Variants in UBAC2 observed in about 807,000 individuals in gnomAD.
UBAC2 encodes the protein UBA domain containing 2, also known as ubiquitin-associated domain-containing protein 2.
Under a neutral mutation model 44.0 loss-of-function variants are expected in UBAC2, and 26 were observed. That is an observed-to-expected ratio of 0.59 (90% CI 0.43 to 0.82). The LOEUF is 0.82. Among genes scored for constraint, UBAC2 ranks in the 40% least tolerant of loss-of-function variants. The pLI, the probability that UBAC2 is intolerant of heterozygous loss-of-function variation, is 0.00. For synonymous variants in UBAC2, 155 were observed against 154.3 expected, an observed-to-expected ratio of 1.00 and a Z score of -0.04; for missense variants, 329 against 419.4, an observed-to-expected ratio of 0.78 and a Z score of 1.88.
chr13:99,201,301 C>T (rs1430602129), intron 1 of UBAC2: 1 of 1,469,756 alleles, frequency 6.8e-7, no homozygotes, highest in Non-Finnish European at 9.0e-7. Context: ...AGGGGCCGTC[C>T]CCCTTACCAT....
At chr13:99,276,870 T>C (rs2043890157) in intron 4 of UBAC2, among the ~76,000 whole-genome samples, 1 of 152,198 alleles carries the variant, frequency 6.6e-6, no homozygotes, top group East Asian at 1.9e-4. Flanking sequence ...AAATACATTT[T>C]TGTAGAATAC....
intron 1 of UBAC2, among the ~76,000 whole-genome samples, chr13:99,213,147 A>G (rs1029732350): frequency 1.1e-4 from 17 of 152,162 alleles, no homozygotes; most frequent in African/African-American, 3.6e-4. Flanking sequence ...TGGCATTCAA[A>G]TACACATTTG....
chr13:99,312,617 C>G (rs953945402), intron 4 of UBAC2, among the ~76,000 whole-genome samples: 1 of 152,180 alleles, frequency 6.6e-6, no homozygotes, highest in African/African-American at 2.4e-5. Flanking sequence ...ACTGACATAG[C>G]TTGGGGGCCA....
chr13:99,208,332 CTGTTTGCT>C (rs2042899139), intron 1 of UBAC2, among the ~76,000 whole-genome samples: 1 of 152,116 alleles, frequency 6.6e-6, no homozygotes, highest in Non-Finnish European at 1.5e-5. Context: ...AGTTGGGGAG[CTGTTTGCT>C]TTTATGAAAA....
intron 4 of UBAC2, among the ~76,000 whole-genome samples, chr13:99,285,326 T>C (rs1172630535): frequency 6.6e-6 from 1 of 151,974 alleles, no homozygotes; most frequent in African/African-American, 2.4e-5. Flanking sequence ...AGTATTTTTG[T>C]ACTTTATTAG....
At chr13:99,254,101 GA>G (rs1166262396) in intron 4 of UBAC2, among the ~76,000 whole-genome samples, 1 of 151,766 alleles carries the variant, frequency 6.6e-6, no homozygotes, top group Non-Finnish European at 1.5e-5. Flanking sequence ...TATGGCCTGG[GA>G]AAAAAAATCA....
At chr13:99,343,540 C>T (rs1265821501) in intron 7 of UBAC2, among the ~76,000 whole-genome samples, 1 of 152,248 alleles carries the variant, frequency 6.6e-6, no homozygotes, top group Non-Finnish European at 1.5e-5. Context: ...GACTCCTCCA[C>T]TTTCATAGGA....
intron 8 of UBAC2, among the ~76,000 whole-genome samples, chr13:99,384,514 A>G (rs1322885719): frequency 1.3e-5 from 2 of 152,336 alleles, no homozygotes; most frequent in African/African-American, 2.4e-5. Flanking sequence ...GTCAAAAACA[A>G]TGCATGCTTG....
At chr13:99,376,678 G>A (rs1001989577) in intron 8 of UBAC2, among the ~76,000 whole-genome samples, 21 of 152,216 alleles carry the variant, frequency 1.4e-4, no homozygotes, top group African/African-American at 4.3e-4. Flanking sequence ...AAAGCATGCT[G>A]GAGGCGAACC....
At position 99,232,399 on chromosome 13, in the gene UBAC2, G is replaced by GATATATATATATATATATAT. The variant is rs1555321112; in HGVS notation, c.32-6023_32-6022insTATATATATATATATATATA. Among the ~76,000 whole-genome samples the GATATATATATATATATATAT allele has an allele frequency of 2.8e-3, 313 of 109,894 alleles. 17 individuals are homozygous for GATATATATATATATATATAT. Among genetic ancestry groups the GATATATATATATATATATAT allele is most frequent in the Non-Finnish European group, 4.1e-3 (194 of 47,222 alleles). The allele number at this position is 109,894 out of a possible 152,430, so 72.1% of individuals were successfully genotyped here. On this transcript the variant is annotated intron_variant, in intron 1 of 8. Coordinates refer to ENST00000403766, the MANE Select transcript of UBAC2 (RefSeq NM_001144072.2). ...AGACCCTGTCCATCCTTAGTTGAGA[G>GATATATATATATATATATAT]ATATAGATATATATATATATATTCA...
At chr13:99,380,163 A>G (rs1326860219) in intron 8 of UBAC2, among the ~76,000 whole-genome samples, 1 of 152,212 alleles carries the variant, frequency 6.6e-6, no homozygotes, top group Non-Finnish European at 1.5e-5. Flanking sequence ...TTGTACTGCC[A>G]TGTTGGTACT....
intron 2 of UBAC2, among the ~76,000 whole-genome samples, chr13:99,242,810 C>A (rs12561406): frequency 1.7e-4 from 2 of 11,764 alleles, no homozygotes; most frequent in South Asian, 5.3e-3. Context: ...GGCTGCCGGG[C>A]GGAGGGGCTC....
chr13:99,263,494 G>A lies in UBAC2; in HGVS notation c.389+18870G>A, dbSNP rs149299264. Among the ~76,000 whole-genome samples, 368 of 152,278 alleles carry A rather than the reference G, an allele frequency of 2.4e-3. 4 individuals carry two copies. The highest frequency in any genetic ancestry group is 0.011 in the South Asian group (52 of 4,820). ...CCAGAATGCCTACGATGAAAAAGAC[G>A]GACAGTGCAAAGTGCTGGCAAGGAT... On this transcript the variant is annotated intron_variant, in intron 4 of 8. Coordinates refer to ENST00000403766, the MANE Select transcript of UBAC2 (RefSeq NM_001144072.2).
At chr13:99,357,539 AGTG>A (rs1288992747) in intron 7 of UBAC2, among the ~76,000 whole-genome samples, 1 of 152,248 alleles carries the variant, frequency 6.6e-6, no homozygotes, top group Non-Finnish European at 1.5e-5. Flanking sequence ...AGTAAAACTA[AGTG>A]TAAGCATATT....
At chr13:99,336,272 C>T (rs552794756) in intron 6 of UBAC2, among the ~76,000 whole-genome samples, 1 of 152,154 alleles carries the variant, frequency 6.6e-6, no homozygotes, top group South Asian at 2.1e-4. Context: ...ATACTTTCTT[C>T]AGGCCTCTTG....
intron 5 of UBAC2, among the ~76,000 whole-genome samples, chr13:99,315,015 C>T (rs914665192): frequency 1.4e-4 from 21 of 152,118 alleles, no homozygotes; most frequent in Non-Finnish European, 2.8e-4. Context: ...GCACTCTAAC[C>T]GGATACTGGC....
At chr13:99,297,166 G>A (rs982515586) in intron 4 of UBAC2, among the ~76,000 whole-genome samples, 1 of 152,064 alleles carries the variant, frequency 6.6e-6, no homozygotes, top group African/African-American at 2.4e-5. Context: ...GAAATTTTAA[G>A]TACTAAATTG....
chr13:99,332,579 G>T (rs2044731393), intron 6 of UBAC2, among the ~76,000 whole-genome samples: 1 of 152,188 alleles, frequency 6.6e-6, no homozygotes, highest in Non-Finnish European at 1.5e-5. Context: ...CTGGACGTGG[G>T]CCAGGGGTTC....
At chr13:99,212,598 C>T (rs2042947641) in intron 1 of UBAC2, among the ~76,000 whole-genome samples, 1 of 152,136 alleles carries the variant, frequency 6.6e-6, no homozygotes, top group Non-Finnish European at 1.5e-5. Context: ...TGCAGCCGTA[C>T]AACAGAGAAA....
Sources: allele counts gnomAD v4.1 joint callset (sites outside exome capture counted in the v4.1 genomes callset), GRCh38; gene constraint gnomAD v4.1.1; transcripts MANE v1.5; gene names NCBI Gene and HGNC (gene_info 2026-07-23, HGNC 2026-07-21).